The following CHD2 variants were observed in gnomAD, a reference collection of about 807,000 sequenced individuals.
The protein encoded by CHD2 is ATP-dependent chromatin remodeler CHD2.
In CHD2, 28 loss-of-function variants were observed where a neutral mutation model predicts 243.9. The observed-to-expected ratio is 0.11, with a 90% CI of 0.09 to 0.16. The LOEUF is 0.16. Ranked by LOEUF, CHD2 falls within the 10% of genes least tolerant of loss-of-function variation. CHD2 has a pLI of 1.00. For missense variants in CHD2, 1,386 were observed against 2,209.8 expected, an observed-to-expected ratio of 0.63 and a Z score of 7.47; for synonymous variants, 775 against 779.0, an observed-to-expected ratio of 0.99 and a Z score of 0.09.
chr15:92,922,309 T>A (rs1330374637), intron 2 of CHD2, among the ~76,000 whole-genome samples: 1 of 152,180 alleles, frequency 6.6e-6, no homozygotes, highest in African/African-American at 2.4e-5. Context: ...AATAGTATTG[T>A]CCTTGGGAAT....
In CHD2 at chr15:93,014,786, TCCCATA is replaced by T; in HGVS notation, c.4786_4791del (p.His1596_Thr1597del). 1 of 1,614,104 alleles carries T rather than the reference TCCCATA, an allele frequency of 6.2e-7. No homozygotes were observed. Among genetic ancestry groups the T allele is most frequent in the Non-Finnish European group, 8.5e-7 (1 of 1,180,008 alleles). On this transcript the variant is annotated inframe_deletion, in exon 37 of 39. Coordinates refer to ENST00000394196, the MANE Select transcript of CHD2 (RefSeq NM_001271.4). ...CAGCCGGGACTCTCTGATATCTCAG[TCCCATA>T]CCTCACACAACCTTCACCCTCAGAA...
intron 13 of CHD2, among the ~76,000 whole-genome samples, chr15:92,950,004 G>A (rs751177787): frequency 1.4e-4 from 21 of 152,114 alleles, no homozygotes; most frequent in African/African-American, 4.8e-4. Flanking sequence ...ATAGATAAAC[G>A]CGCAGTGGAA....
At position 93,026,846 on chromosome 15, in the gene CHD2, C is replaced by A. The variant is rs2054590339; in HGVS notation, c.*2141C>A. 1 of 152,544 alleles carries A rather than the reference C, an allele frequency of 6.6e-6. No individual in the cohort carries two copies. Among genetic ancestry groups the A allele is most frequent in the Non-Finnish European group, 1.5e-5 (1 of 68,066 alleles). 9.4% of individuals were successfully genotyped at this position (152,544 alleles called of 1,614,324 possible). ...GCCCCTGCAGAGAGTTGGGTAGTGT[C>A]CTTCAGGAATGAAAGGAGGGGCAAA... On this transcript the variant is annotated 3_prime_UTR_variant, in exon 39 of 39. Transcript: ENST00000394196.
At chr15:92,967,593 C>T in intron 17 of CHD2, 80 bp downstream of exon 17, 1 of 813,416 alleles carries the variant, frequency 1.2e-6, no homozygotes, top group Non-Finnish European at 1.7e-6. Flanking sequence ...TATATATATA[C>T]TTTTGTTTTT....
intron 14 of CHD2, chr15:92,953,789 G>GT: frequency 3.6e-6 from 2 of 548,142 alleles, no homozygotes; most frequent in Non-Finnish European, 6.5e-6. Flanking sequence ...CAGTATGTGA[G>GT]TGGGAATCTC....
chr15:93,019,952 AGTG>A, intron 37 of CHD2, 57 bp from the exon 38 acceptor site: 5 of 1,521,446 alleles, frequency 3.3e-6, no homozygotes, highest in South Asian at 1.3e-5. Flanking sequence ...AAAAAATTGT[AGTG>A]AAAGTGAAAT....
At chr15:92,959,934 G>C (rs2053663854) in intron 16 of CHD2, among the ~76,000 whole-genome samples, 1 of 152,158 alleles carries the variant, frequency 6.6e-6, no homozygotes, top group Non-Finnish European at 1.5e-5. Flanking sequence ...ATGGAATTTT[G>C]ATAGAAATTG....
rs369513837 is a variant in CHD2 at position 92,988,967 on chromosome 15, TC to T, written c.3414-2507del. On this transcript the variant is annotated intron_variant, in intron 26 of 38. Transcript: ENST00000394196. ...GTCTTATAAGCCTACATGCTAGACT[TC>T]CTTAGGGATGGTTTCTATTACCTGC... Among the ~76,000 whole-genome samples the T allele has an allele frequency of 2.6e-5, 4 of 151,870 alleles. No individual in the cohort carries two copies. In the East Asian group the frequency reaches 7.7e-4, roughly 29 times the overall value.
intron 2 of CHD2, chr15:92,901,612 A>G (rs1222626350): frequency 4.6e-6 from 2 of 433,854 alleles, no homozygotes; most frequent in African/African-American, 2.0e-5. Context: ...AGGTTTTTGT[A>G]CTGCAGAAAA....
intron 28 of CHD2, among the ~76,000 whole-genome samples, chr15:92,995,284 T>G (rs1218201211): frequency 6.6e-6 from 1 of 152,232 alleles, no homozygotes; most frequent in African/African-American, 2.4e-5. Context: ...AGGGACTGCT[T>G]TTCTCATTTA....
At chr15:93,024,150 T>C (rs569252068) in intron 38 of CHD2, among the ~76,000 whole-genome samples, 23 of 127,408 alleles carry the variant, frequency 1.8e-4, no homozygotes, top group African/African-American at 5.6e-4. Context: ...TCAGTAATTT[T>C]TCAAGTGTGT....
At chr15:92,978,028 T>A in intron 20 of CHD2, 1 of 581,192 alleles carries the variant, frequency 1.7e-6, no homozygotes, top group Non-Finnish European at 3.1e-6. Flanking sequence ...TCTACTCCTG[T>A]TCATGGCACT....
At chr15:92,993,350 T>C (rs1197775650) in intron 28 of CHD2, 1 of 198,098 alleles carries the variant, frequency 5.0e-6, no homozygotes, top group Non-Finnish European at 1.0e-5. Context: ...TCACAAGCAT[T>C]GTTAATTATC....
At chr15:92,941,614 A>T (rs2053383858) in intron 7 of CHD2, among the ~76,000 whole-genome samples, 1 of 152,136 alleles carries the variant, frequency 6.6e-6, no homozygotes. Context: ...TTTCAAATTG[A>T]GTTAGACTCC....
chr15:92,957,730 A>G (rs2053634311), intron 16 of CHD2, among the ~76,000 whole-genome samples: 2 of 151,440 alleles, frequency 1.3e-5, no homozygotes, highest in Admixed American at 1.3e-4. Context: ...AAATTTGTTT[A>G]GTAACTTTAT....
chr15:92,934,021 T>A (rs1316830729), intron 5 of CHD2, among the ~76,000 whole-genome samples: 1 of 152,218 alleles, frequency 6.6e-6, no homozygotes, highest in African/African-American at 2.4e-5. Context: ...AAGCATGCTT[T>A]CTTGGGGAAA....
intron 1 of CHD2, 133 bp downstream of exon 1, chr15:92,900,957 T>G: frequency 2.2e-6 from 1 of 461,632 alleles, no homozygotes. Flanking sequence ...GTGTGCTACT[T>G]TGAGAAAGTT....
chr15:92,917,403 A>G (rs112139310), intron 2 of CHD2, among the ~76,000 whole-genome samples: 2,329 of 152,304 alleles, frequency 0.015, 51 homozygotes, highest in African/African-American at 0.053. Context: ...TACTAAAAAT[A>G]CAAAACAATT....
intron 15 of CHD2, 39 bp downstream of exon 15, chr15:92,955,551 T>C: frequency 7.5e-7 from 1 of 1,336,388 alleles, no homozygotes; most frequent in East Asian, 2.5e-5. Flanking sequence ...TCTTTTCCAG[T>C]GCGACTTGTC....
Sources: allele counts gnomAD v4.1 joint callset (sites outside exome capture counted in the v4.1 genomes callset), GRCh38; gene constraint gnomAD v4.1.1; transcripts MANE v1.5; gene names NCBI Gene and HGNC (gene_info 2026-07-23, HGNC 2026-07-21).